HPN: variants seen among roughly 807,000 people sequenced by gnomAD.
HPN encodes hepsin.
HPN carries 13 observed loss-of-function variants against 55.9 expected under a neutral mutation model. The ratio of observed to expected loss-of-function variants is 0.23; its 90% CI spans 0.15 to 0.37. The LOEUF is 0.37. Ranked by LOEUF, HPN falls within the 10% of genes least tolerant of loss-of-function variation. HPN has a pLI of 1.00. For missense variants in HPN, 451 were observed against 575.8 expected (o/e 0.78, Z 2.22); for synonymous variants, 225 against 240.3 (o/e 0.94, Z 0.59).
chr19:35,060,017 G>A (rs758342403), intron 6 of HPN, 21 bp downstream of exon 6: 1 of 1,603,994 alleles, frequency 6.2e-7, no homozygotes, highest in Non-Finnish European at 8.5e-7. Context: ...CAGCGGGCAG[G>A]TGGGGCAACA....
At chr19:35,048,082 A>AGAAAGAAAAGG in intron 2 of HPN, among the ~76,000 whole-genome samples, 1 of 97,034 alleles carries the variant, frequency 1.0e-5, no homozygotes, top group African/African-American at 4.0e-5. Context: ...GAAAGAAAGA[A>AGAAAGAAAAGG]AAGGAAGGAA....
chr19:35,043,934 G>A (rs889997019), intron 2 of HPN, among the ~76,000 whole-genome samples: 7 of 152,204 alleles, frequency 4.6e-5, no homozygotes, highest in African/African-American at 1.7e-4. Flanking sequence ...TGGCAGCTCC[G>A]GGCTGGTCTT....
rs35890010 is a variant in HPN at position 35,060,417 on chromosome 19, G to A, written c.525G>A (p.Pro175=). Residue 175 remains proline (P), a synonymous_variant, in exon 8 of 13, where the codon CCG becomes CCA. Coordinates refer to ENST00000672452, the MANE Select transcript of HPN (RefSeq NM_001384133.1). ...GGRDTSLGRW[P]WQVSLRYDGA... ...GGGACACCAGCTTGGGCCGGTGGCCGTGGCAAGTCAGCCTTCGCTATGATG... is the reference window on the plus strand; with the variant it reads ...GGGACACCAGCTTGGGCCGGTGGCCATGGCAAGTCAGCCTTCGCTATGATG... 68 of 1,613,034 alleles carry A rather than the reference G, an allele frequency of 4.2e-5. No homozygotes were observed. In the African/African-American group the frequency reaches 7.1e-4, roughly 17 times the overall value.
At position 35,052,007 on chromosome 19, in the gene HPN, T is replaced by C. The variant is rs2064410561; in HGVS notation, c.160+2491T>C. ...CTCTCCACCCCCACCTCACACTGGC[T>C]TCTAGCACCCTCAGGGCCCAGTCCC... On this transcript the variant is annotated intron_variant, in intron 4 of 12. Transcript: ENST00000672452. Among the ~76,000 whole-genome samples, 4 of 152,142 alleles carry C rather than the reference T, an allele frequency of 2.6e-5. No individual in the cohort carries two copies. In the South Asian group the frequency reaches 8.3e-4, roughly 32 times the overall value.
chr19:35,064,767 G>A (rs2064582796), intron 9 of HPN, among the ~76,000 whole-genome samples: 1 of 152,074 alleles, frequency 6.6e-6, no homozygotes. Context: ...GTGCAGGAAG[G>A]CGCCTAGTAT....
chr19:35,059,624 G>C (rs775312628), intron 4 of HPN, 49 bp from the exon 5 acceptor site: 29 of 1,557,646 alleles, frequency 1.9e-5, no homozygotes, highest in African/African-American at 1.8e-4. Context: ...AAGCATGTGG[G>C]GAGCCTGGCT....
chr19:35,056,031 C>G (rs1395590660), intron 4 of HPN, among the ~76,000 whole-genome samples: 1 of 152,156 alleles, frequency 6.6e-6, no homozygotes, highest in Non-Finnish European at 1.5e-5. Flanking sequence ...GTTCCTGGAG[C>G]ACTCCCCCCA....
At position 35,065,528 on chromosome 19, in the gene HPN, C is replaced by G; in HGVS notation, c.908-11C>G. 6.2e-7 allele frequency: 1 copy of G among 1,613,606 alleles called. No individual in the cohort carries two copies. The highest frequency in any genetic ancestry group is 1.3e-5 in the African/African-American group (1 of 75,030). On this transcript the variant is annotated splice_polypyrimidine_tract_variant and intron_variant, in intron 10 of 12. Coordinates refer to ENST00000672452, the MANE Select transcript of HPN (RefSeq NM_001384133.1). ...CCCCAGCTCTGGCCAGCCTTGCCTG[C>G]ACACCCCCAGGCCAACAGGCCGGGG...
chr19:35,041,102 GC>G (rs2064289107), upstream of HPN, among the ~76,000 whole-genome samples: 1 of 152,346 alleles, frequency 6.6e-6, no homozygotes, highest in African/African-American at 2.4e-5. Context: ...CTTGGCCTGG[GC>G]CTCTGCCCTT....
intron 2 of HPN, among the ~76,000 whole-genome samples, chr19:35,044,554 A>G (rs2064323253): frequency 6.6e-6 from 1 of 152,158 alleles, no homozygotes; most frequent in Non-Finnish European, 1.5e-5. Context: ...GCCAGTGGTT[A>G]GTCCCTGCTT....
Position 35,059,954 on chromosome 19 carries a change from G to A in HPN, c.371G>A (p.Arg124Lys). 6.5e-7 allele frequency: 1 copy of A among 1,547,694 alleles called. No homozygotes were observed. Among genetic ancestry groups the A allele is most frequent in the African/African-American group, 1.4e-5 (1 of 73,166 alleles). The change falls in exon 6 of 13, where the codon AGG (arginine) becomes AAG (lysine). Residue 124 changes from arginine (R) to lysine (K), a missense_variant. By Grantham distance (26) the Arg-to-Lys change is conservative (BLOSUM62 2). This residue lies in a region of HPN where 378 missense variants were observed against 445.5 expected (regional missense o/e 0.85). Coordinates refer to ENST00000672452, the MANE Select transcript of HPN (RefSeq NM_001384133.1). ...GGCTTCTTCTGTGTGGACGAGGGGAGGCTGCCCCACACCCAGAGGCTGCTG... is the reference window on the plus strand; with the variant it reads ...GGCTTCTTCTGTGTGGACGAGGGGAAGCTGCCCCACACCCAGAGGCTGCTG... ...TSGFFCVDEG[R>K]LPHTQRLLEV... is the part of the protein sequence containing the mutation.
At chr19:35,047,738 A>T (rs2064355823) in intron 2 of HPN, among the ~76,000 whole-genome samples, 1 of 152,048 alleles carries the variant, frequency 6.6e-6, no homozygotes, top group Non-Finnish European at 1.5e-5. Context: ...TCACGCCTGC[A>T]ATTCCAACAC....
chr19:35,043,638 G>T (rs1442636493), intron 2 of HPN, among the ~76,000 whole-genome samples: 1 of 152,194 alleles, frequency 6.6e-6, no homozygotes, highest in South Asian at 2.1e-4. Flanking sequence ...GCCTCCTCGG[G>T]TCTCGGCACA....
intron 4 of HPN, among the ~76,000 whole-genome samples, chr19:35,055,113 C>G (rs2064441950): frequency 6.6e-6 from 1 of 152,120 alleles, no homozygotes; most frequent in Admixed American, 6.5e-5. Flanking sequence ...AGTTTGAGAT[C>G]AGCCTGGACA....
At chr19:35,059,332 A>T in intron 4 of HPN, 1 of 418,426 alleles carries the variant, frequency 2.4e-6, no homozygotes, top group South Asian at 2.1e-5. Flanking sequence ...AAACAAAAAA[A>T]TTAGTCAGGT....
At chr19:35,065,383 G>A (rs1265388421) in intron 10 of HPN, 38 bp downstream of exon 10, 16 of 1,587,540 alleles carry the variant, frequency 1.0e-5, no homozygotes, top group African/African-American at 5.4e-5. Flanking sequence ...CACCGTTTGG[G>A]AGACTCTGAA....
At position 35,060,143 on chromosome 19, in the gene HPN, G is replaced by T. The variant is rs1472008419; in HGVS notation, c.428G>T (p.Gly143Val). The T allele has an allele frequency of 6.2e-7, 1 of 1,614,164 alleles. No homozygotes were observed. The highest frequency in any genetic ancestry group is 2.2e-5 in the East Asian group (1 of 44,876). Residue 143 changes from glycine (G) to valine (V), a missense_variant, in exon 7 of 13, where the codon GGC becomes GTC. Gly to Val is a moderately radical substitution (Grantham distance 109, BLOSUM62 -3). Transcript: ENST00000672452. Reference protein sequence around the residue: ...EVISVCDCPRGRFLAAICQDC... With the variant: ...EVISVCDCPRVRFLAAICQDC... ...ATCTCTCCCAGTGATTGCCCCAGAGGCCGTTTCTTGGCCGCCATCTGCCAA... is the reference window on the plus strand; with the variant it reads ...ATCTCTCCCAGTGATTGCCCCAGAGTCCGTTTCTTGGCCGCCATCTGCCAA...
intron 4 of HPN, among the ~76,000 whole-genome samples, chr19:35,052,690 G>A (rs936973286): frequency 3.3e-5 from 5 of 152,122 alleles, no homozygotes; most frequent in African/African-American, 4.8e-5. Context: ...ACCCTATGGT[G>A]TGTCCCTGCC....
At chr19:35,058,046 G>A (rs1177472367) in intron 4 of HPN, among the ~76,000 whole-genome samples, 2 of 149,698 alleles carry the variant, frequency 1.3e-5, no homozygotes, top group African/African-American at 2.5e-5. Flanking sequence ...CCAGCCACTC[G>A]GGAGGCTGAG....
Sources: gnomAD v4.1 joint callset for allele counts (sites outside exome capture counted in the v4.1 genomes callset) on GRCh38, gnomAD v4.1.1 for gene constraint, gnomAD v4.1.1 regional missense constraint, MANE v1.5 for transcripts, NCBI Gene and HGNC (gene_info 2026-07-23, HGNC 2026-07-21) for gene names.